Variants in SEMA4D observed in about 807,000 individuals in gnomAD.
SEMA4D encodes semaphorin-4D.
SEMA4D carries 22 observed loss-of-function variants against 74.8 expected under a neutral mutation model. The observed-to-expected ratio is 0.29, with a 90% CI of 0.21 to 0.42. The LOEUF is 0.42. SEMA4D is among the 10% of genes least tolerant of loss of function. SEMA4D has a pLI of 1.00. For synonymous variants in SEMA4D, 445 were observed against 463.7 expected (o/e 0.96, Z 0.52); for missense variants, 937 against 1,118.4 (o/e 0.84, Z 2.31).
At chr9:89,362,130 G>T (rs910402250) in exon 19 of SEMA4D, 1 of 581,198 alleles carries the variant, frequency 1.7e-6, no homozygotes, top group African/African-American at 1.9e-5. Context: ...AGCCATCCTG[G>T]TTACCTGCTT....
intron 3 of SEMA4D, among the ~76,000 whole-genome samples, chr9:89,403,499 T>C (rs1842633089): frequency 6.6e-6 from 1 of 152,204 alleles, no homozygotes; most frequent in Non-Finnish European, 1.5e-5. Flanking sequence ...TTCACAAAAT[T>C]TCTTTTGGAG....
rs770825421 is a variant in SEMA4D, at chr9:89,386,551, G to A, written c.1331-69C>T. 78 of 977,014 alleles carry A rather than the reference G, an allele frequency of 8.0e-5. No homozygotes were observed. The Admixed American group carries it at 8.0e-4, about 10-fold the overall frequency. The allele number at this position is 977,014 out of a possible 1,614,324, so 60.5% of individuals were successfully genotyped here. On this transcript the variant is annotated intron_variant, in intron 12 of 15. Transcript: ENST00000422704. Reference sequence around the variant, plus strand: ...AGAAACCAAGGACAGTGACCACAGCGGCAAACTTCACACTCTTCACTCTCA... The same window carrying A: ...AGAAACCAAGGACAGTGACCACAGCAGCAAACTTCACACTCTTCACTCTCA...
At chr9:89,403,406 C>T (rs1587618894) in intron 3 of SEMA4D, among the ~76,000 whole-genome samples, 3 of 152,218 alleles carry the variant, frequency 2.0e-5, no homozygotes, top group African/African-American at 7.2e-5. Flanking sequence ...GTCTACATGC[C>T]TTGTCATCCA....
chr9:89,430,651 C>T (rs73486151), intron 2 of SEMA4D, among the ~76,000 whole-genome samples: 4,223 of 152,314 alleles, frequency 0.028, 190 homozygotes, highest in African/African-American at 0.095. Flanking sequence ...CTCCATGGTG[C>T]CTTATCAGTA....
intron 6 of SEMA4D, among the ~76,000 whole-genome samples, chr9:89,394,459 A>G (rs1475782858): frequency 1.3e-5 from 2 of 152,254 alleles, no homozygotes; most frequent in Non-Finnish European, 2.9e-5. Context: ...AAAATCCAGC[A>G]AGTGACAGAA....
At chr9:89,376,915 G>C, downstream of SEMA4D, 3 of 1,550,894 alleles carry the variant, frequency 1.9e-6, no homozygotes, top group Non-Finnish European at 2.6e-6. Flanking sequence ...GCAGCAAGGA[G>C]ACCCTCGAGC....
At chr9:89,444,842 G>C (rs1382656996) in intron 2 of SEMA4D, among the ~76,000 whole-genome samples, 1 of 151,898 alleles carries the variant, frequency 6.6e-6, no homozygotes, top group Middle Eastern at 3.2e-3. Flanking sequence ...AAAGAAACTG[G>C]CAAAGAAAAG....
At chr9:89,459,066 G>A (rs564327674) in intron 1 of SEMA4D, among the ~76,000 whole-genome samples, 1 of 152,330 alleles carries the variant, frequency 6.6e-6, no homozygotes, top group Non-Finnish European at 1.5e-5. Flanking sequence ...CACACGCTGG[G>A]GAAAGAATCA....
chr9:89,372,969 G>A (rs1835314566), downstream of SEMA4D, among the ~76,000 whole-genome samples: 1 of 152,076 alleles, frequency 6.6e-6, no homozygotes, highest in Non-Finnish European at 1.5e-5. Context: ...GAACTGTGGT[G>A]GAGAAGGGAT....
chr9:89,377,998 G>A lies in SEMA4D; in HGVS notation c.*706C>T, dbSNP rs193271417. ...AAAAAAAAAGAAAAAGAAAAAAGGTGAGTGGGCTCCGGGGAGTGTTTATGT... is the reference window on the plus strand; with the variant it reads ...AAAAAAAAAGAAAAAGAAAAAAGGTAAGTGGGCTCCGGGGAGTGTTTATGT... On this transcript the variant is annotated 3_prime_UTR_variant, in exon 16 of 16. Coordinates refer to ENST00000422704, the MANE Select transcript of SEMA4D (RefSeq NM_001371194.2). 3.3e-5 allele frequency: 5 copies of A among 152,256 alleles called. No individual in the cohort carries two copies. In the East Asian group the frequency reaches 7.7e-4, roughly 23 times the overall value. 9.4% of individuals were successfully genotyped at this position (152,256 alleles called of 1,614,324 possible). A position where few individuals can be genotyped will look rare whatever the true frequency, so the allele number is the denominator to read the frequency against.
chr9:89,402,745 G>A, intron 4 of SEMA4D, 126 bp downstream of exon 4: 2 of 1,014,414 alleles, frequency 2.0e-6, no homozygotes, highest in South Asian at 3.2e-5. Context: ...CCAAAGATGG[G>A]GCTGCATGGT....
chr9:89,452,332 C>T (rs972810942), intron 2 of SEMA4D, among the ~76,000 whole-genome samples: 6 of 152,080 alleles, frequency 3.9e-5, no homozygotes, highest in African/African-American at 1.4e-4. Flanking sequence ...GCGCCCACCA[C>T]AATGCCCGGC....
chr9:89,419,332 C>G (rs562630284), intron 2 of SEMA4D, among the ~76,000 whole-genome samples: 2 of 152,242 alleles, frequency 1.3e-5, no homozygotes, highest in South Asian at 4.2e-4. Flanking sequence ...TGGAAAAGGC[C>G]ACATCCACCC....
chr9:89,432,846 T>C (rs1849573192), intron 2 of SEMA4D, among the ~76,000 whole-genome samples: 1 of 152,166 alleles, frequency 6.6e-6, no homozygotes, highest in Non-Finnish European at 1.5e-5. Flanking sequence ...AGAATAACCA[T>C]GTGTTCCTGA....
chr9:89,447,284 A>C (rs1853145306), intron 2 of SEMA4D, among the ~76,000 whole-genome samples: 1 of 151,732 alleles, frequency 6.6e-6, no homozygotes, highest in African/African-American at 2.4e-5. Context: ...GTCAGGACTA[A>C]CCCTTGGGCT....
In SEMA4D at chr9:89,378,656, G is replaced by T; in HGVS notation, c.*48C>A. The T allele has an allele frequency of 6.9e-7, 1 of 1,452,706 alleles. No homozygotes were observed. The highest frequency in any genetic ancestry group is 1.2e-5 in the South Asian group (1 of 85,064). 90.0% of individuals were successfully genotyped at this position (1,452,706 alleles called of 1,614,324 possible). A position where few individuals can be genotyped will look rare whatever the true frequency, so the allele number is the denominator to read the frequency against. On this transcript the variant is annotated 3_prime_UTR_variant, in exon 16 of 16. Transcript: ENST00000422704. Reference sequence around the variant, plus strand: ...ACAGGAGAAACACAAAACTCTCCACGCCTGGACACGTCGCAGCCGAGGCAC... The same window carrying T: ...ACAGGAGAAACACAAAACTCTCCACTCCTGGACACGTCGCAGCCGAGGCAC...
Position 89,388,625 on chromosome 9 carries a change from C to T in SEMA4D, c.1107+11G>A. On this transcript the variant is annotated intron_variant, in intron 11 of 15. Transcript: ENST00000422704. The stretch of plus-strand genomic sequence containing the variant: ...GGGAAAGCACGGCCCGCCCCCAGTG[C>T]CCCAGCTCACCGCTCCAGGCCGCGG... 2 of 1,594,018 alleles carry T rather than the reference C, an allele frequency of 1.3e-6. No homozygotes were observed. Among genetic ancestry groups the T allele is most frequent in the South Asian group, 2.2e-5 (2 of 90,194 alleles).
At chr9:89,474,021 G>A (rs527346589) in intron 1 of SEMA4D, among the ~76,000 whole-genome samples, 2 of 152,214 alleles carry the variant, frequency 1.3e-5, no homozygotes, top group South Asian at 4.2e-4. Flanking sequence ...AGAGAAGACG[G>A]GTACCATGCC....
intron 1 of SEMA4D, among the ~76,000 whole-genome samples, chr9:89,466,139 C>T (rs1035336796): frequency 2.0e-5 from 3 of 152,104 alleles, no homozygotes; most frequent in African/African-American, 7.2e-5. Flanking sequence ...CAGCCCTGGC[C>T]TGGCTAGGGG....
Sources: gnomAD v4.1 joint callset for allele counts (sites outside exome capture counted in the v4.1 genomes callset) on GRCh38, gnomAD v4.1.1 for gene constraint, MANE v1.5 for transcripts, NCBI Gene and HGNC (gene_info 2026-07-23, HGNC 2026-07-21) for gene names.